HEATR5A: variants seen among roughly 807,000 people sequenced by gnomAD.
HEATR5A encodes HEAT repeat containing 5A.
Under a neutral mutation model 218.8 loss-of-function variants are expected in HEATR5A, and 178 were observed. The ratio of observed to expected loss-of-function variants is 0.81; its 90% confidence interval spans 0.72 to 0.92. The LOEUF is 0.92. Ranked by LOEUF, HEATR5A falls within the 40% of genes least tolerant of loss-of-function variation. The probability of loss-of-function intolerance (pLI) is 0.00; values close to 1 mark genes in which losing one functional copy is unlikely to be tolerated. For missense variants in HEATR5A, 2,420 were observed against 2,418.9 expected, an observed-to-expected ratio of 1.00 and a Z score of -0.01; for synonymous variants, 864 against 871.6, an observed-to-expected ratio of 0.99 and a Z score of 0.15.
At chr14:31,418,987 T>G (rs1290488574) in intron 1 of HEATR5A, among the ~76,000 whole-genome samples, 1 of 152,164 alleles carries the variant, frequency 6.6e-6, no homozygotes, top group Non-Finnish European at 1.5e-5. Context: ...TAATTTTAAT[T>G]AATAATTTAA....
chr14:31,333,290 C>T (rs1030101633), intron 22 of HEATR5A, among the ~76,000 whole-genome samples: 1 of 151,964 alleles, frequency 6.6e-6, no homozygotes. Flanking sequence ...GCTCTATCAC[C>T]CAGGCTGGAG....
intron 22 of HEATR5A, among the ~76,000 whole-genome samples, chr14:31,332,471 C>T (rs901508118): frequency 6.6e-5 from 10 of 152,142 alleles, no homozygotes; most frequent in African/African-American, 2.2e-4. Flanking sequence ...AAGAGTCACA[C>T]GTCCTTCACT....
chr14:31,413,847 T>C (rs529645510), intron 1 of HEATR5A, among the ~76,000 whole-genome samples: 1 of 152,352 alleles, frequency 6.6e-6, no homozygotes, highest in Admixed American at 6.5e-5. Flanking sequence ...AACTACTTCA[T>C]ATAGTCTCTA....
chr14:31,387,468 T>C (rs2030275365), intron 7 of HEATR5A, 93 bp from the exon 8 acceptor site: 6 of 928,752 alleles, frequency 6.5e-6, no homozygotes, highest in Non-Finnish European at 9.6e-6. Context: ...ATATTTTTCT[T>C]ATTCCTTATA....
intron 21 of HEATR5A, among the ~76,000 whole-genome samples, chr14:31,343,496 T>G (rs923748547): frequency 2.0e-5 from 3 of 152,146 alleles, no homozygotes; most frequent in Non-Finnish European, 4.4e-5. Flanking sequence ...TGCTGGAATA[T>G]TAAGGAAAAG....
chr14:31,386,717 G>A (rs2030238801), intron 8 of HEATR5A, 142 bp from the exon 9 acceptor site: 1 of 660,002 alleles, frequency 1.5e-6, no homozygotes, highest in Non-Finnish European at 2.5e-6. Context: ...TAACTAAAAT[G>A]CTTAAATGGG....
chr14:31,338,460 C>T (rs1900737580), intron 21 of HEATR5A, among the ~76,000 whole-genome samples: 1 of 151,966 alleles, frequency 6.6e-6, no homozygotes, highest in African/African-American at 2.4e-5. Context: ...CTTACAGATG[C>T]AATGTAAATC....
chr14:31,415,726 T>G (rs567638116), intron 1 of HEATR5A, among the ~76,000 whole-genome samples: 84 of 152,340 alleles, frequency 5.5e-4, no homozygotes, highest in Non-Finnish European at 9.6e-4. Context: ...GTGTTATTAC[T>G]TGTTTCGAGT....
chr14:31,317,864 C>A (rs888341437), intron 26 of HEATR5A, among the ~76,000 whole-genome samples: 14 of 152,102 alleles, frequency 9.2e-5, no homozygotes, highest in Non-Finnish European at 1.8e-4. Context: ...TAATATCCAT[C>A]AATTATCCAT....
intron 30 of HEATR5A, among the ~76,000 whole-genome samples, chr14:31,307,483 G>A (rs1403784646): frequency 1.3e-5 from 2 of 152,126 alleles, no homozygotes; most frequent in Non-Finnish European, 1.5e-5. Flanking sequence ...TTAGCCAACA[G>A]GAATACTTTG....
In HEATR5A at chr14:31,358,705, T is replaced by G; in HGVS notation, c.2343A>C (p.Ala781=). 4 of 1,613,964 alleles carry G rather than the reference T, an allele frequency of 2.5e-6. No homozygotes were observed. Among genetic ancestry groups the G allele is most frequent in the Non-Finnish European group, 3.4e-6 (4 of 1,179,880 alleles). ...GDSVPKPLPP[A]LSVISSASKL... ...TGGATGCAGAACTAATAACTGATAG[T>G]GCTGGAGGTAAGGGCTTAGGCACTG... The change falls in exon 16 of 36, where the codon GCA becomes GCC. Residue 781 remains alanine (A), a synonymous_variant. Coordinates refer to ENST00000543095, the MANE Select transcript of HEATR5A (RefSeq NM_015473.4).
chr14:31,359,033 T>C lies in HEATR5A; in HGVS notation c.2096A>G (p.Glu699Gly). 6.3e-7 allele frequency: 1 copy of C among 1,590,212 alleles called. No homozygotes were observed. Among genetic ancestry groups the C allele is most frequent in the Non-Finnish European group, 8.5e-7 (1 of 1,174,620 alleles). Residue 699 changes from glutamate (E) to glycine (G), a missense_variant, in exon 15 of 36, where the codon GAG (glutamate) becomes GGG (glycine). Transcript: ENST00000543095. The part of the protein sequence containing the change: ...YEGNLCAILR[E>G]LAADLTAPDI... ...AGGGGCAGTCAAGTCAGCAGCCAGC[T>C]CTCTGAGGATAGCACAGAGGTTTCC...
chr14:31,332,074 G>A (rs1380906839), intron 22 of HEATR5A, among the ~76,000 whole-genome samples: 1 of 152,168 alleles, frequency 6.6e-6, no homozygotes, highest in African/African-American at 2.4e-5. Flanking sequence ...AAAGGTTTAC[G>A]TGTGTATATG....
intron 5 of HEATR5A, among the ~76,000 whole-genome samples, chr14:31,394,500 AC>A (rs1387912798): frequency 6.6e-6 from 1 of 152,116 alleles, no homozygotes; most frequent in Non-Finnish European, 1.5e-5. Flanking sequence ...GCTATGAACA[AC>A]TGGGAGAATA....
chr14:31,333,192 T>C (rs1021449320), intron 22 of HEATR5A, among the ~76,000 whole-genome samples: 9 of 152,118 alleles, frequency 5.9e-5, no homozygotes, highest in African/African-American at 9.7e-5. Flanking sequence ...AATCCTGATA[T>C]AGAAGCTTCA....
chr14:31,382,587 C>G (rs2030038668), intron 10 of HEATR5A, among the ~76,000 whole-genome samples: 1 of 151,892 alleles, frequency 6.6e-6, no homozygotes, highest in Admixed American at 6.6e-5. Context: ...GTTGTATTAT[C>G]TAGGTTTCAT....
intron 10 of HEATR5A, among the ~76,000 whole-genome samples, chr14:31,380,830 C>A (rs919065907): frequency 1.3e-5 from 2 of 152,146 alleles, no homozygotes; most frequent in African/African-American, 4.8e-5. Flanking sequence ...ACACATGTGA[C>A]AACAATGTAA....
chr14:31,408,101 C>T (rs2031144351), intron 1 of HEATR5A, among the ~76,000 whole-genome samples: 1 of 152,148 alleles, frequency 6.6e-6, no homozygotes, highest in Admixed American at 6.5e-5. Context: ...ACTGTCTGTA[C>T]TTTGTACATG....
chr14:31,396,818 T>G (rs932706696), intron 4 of HEATR5A, among the ~76,000 whole-genome samples: 3 of 152,130 alleles, frequency 2.0e-5, no homozygotes, highest in Non-Finnish European at 2.9e-5. Context: ...TTAAAAAAAT[T>G]TAAAAAATAG....
Sources: allele counts gnomAD v4.1 joint callset (sites outside exome capture counted in the v4.1 genomes callset), GRCh38; gene constraint gnomAD v4.1.1; transcripts MANE v1.5; gene names NCBI Gene and HGNC (gene_info 2026-07-23, HGNC 2026-07-21).